STK24: variants seen among roughly 807,000 people sequenced by gnomAD.
The protein encoded by STK24 is serine/threonine-protein kinase 24.
A neutral mutation model predicts 55.6 loss-of-function variants in STK24; 21 were observed. The observed-to-expected ratio is 0.38, with a 90% CI of 0.27 to 0.54. The LOEUF (loss-of-function observed/expected upper bound fraction) is 0.54, where lower values mean the gene tolerates loss of function less well. Ranked by LOEUF, STK24 falls within the 20% of genes least tolerant of loss-of-function variation. STK24 has a pLI of 0.79. For synonymous variants in STK24, 200 were observed against 215.2 expected, an observed-to-expected ratio of 0.93 and a Z score of 0.62; for missense variants, 383 against 538.4, an observed-to-expected ratio of 0.71 and a Z score of 2.86.
intron 3 of STK24, among the ~76,000 whole-genome samples, chr13:98,479,018 A>G (rs1160929378): frequency 2.0e-5 from 3 of 152,192 alleles, no homozygotes; most frequent in East Asian, 1.9e-4. Flanking sequence ...ATAATCCCCA[A>G]TGGCCAGAGC....
intron 5 of STK24, among the ~76,000 whole-genome samples, chr13:98,470,033 G>T (rs982496861): frequency 4.6e-5 from 7 of 152,172 alleles, no homozygotes; most frequent in Non-Finnish European, 8.8e-5. Context: ...AAGTTGCTAT[G>T]GCACATTAAC....
At chr13:98,490,139 G>T (rs780044852) in intron 2 of STK24, among the ~76,000 whole-genome samples, 1 of 152,140 alleles carries the variant, frequency 6.6e-6, no homozygotes, top group Non-Finnish European at 1.5e-5. Flanking sequence ...GGAGATGGGT[G>T]CCTGCATTTC....
intron 2 of STK24, among the ~76,000 whole-genome samples, chr13:98,489,047 C>T (rs1299167395): frequency 6.6e-6 from 1 of 152,172 alleles, no homozygotes; most frequent in African/African-American, 2.4e-5. Context: ...TACCTTTCCG[C>T]GCAGATGACG....
intron 1 of STK24, among the ~76,000 whole-genome samples, chr13:98,551,311 T>G (rs994386455): frequency 6.6e-6 from 1 of 151,586 alleles, no homozygotes; most frequent in African/African-American, 2.4e-5. Flanking sequence ...TCAAGACTTA[T>G]CTACGTTTCC....
chr13:98,528,969 C>T (rs370104158), intron 1 of STK24, among the ~76,000 whole-genome samples: 1 of 152,140 alleles, frequency 6.6e-6, no homozygotes, highest in Admixed American at 6.5e-5. Context: ...CTGGCCTTGG[C>T]AAGCATCTCT....
chr13:98,453,798 G>GT (rs1163170526), intron 10 of STK24: 1 of 145,650 alleles, frequency 6.9e-6, no homozygotes, highest in Non-Finnish European at 1.5e-5. Context: ...ACTAAAAATG[G>GT]TAATTATCTG....
intron 1 of STK24, among the ~76,000 whole-genome samples, chr13:98,520,493 C>T (rs1386069968): frequency 1.3e-5 from 2 of 152,112 alleles, no homozygotes; most frequent in Non-Finnish European, 2.9e-5. Context: ...AGAAGCTGAA[C>T]TACTAGGAAA....
chr13:98,513,754 C>T (rs978473776), intron 2 of STK24, among the ~76,000 whole-genome samples: 7 of 152,186 alleles, frequency 4.6e-5, no homozygotes, highest in Admixed American at 3.9e-4. Flanking sequence ...TCAATGAAAG[C>T]GCGGCTGGGA....
chr13:98,457,556 G>A (rs553563870), intron 9 of STK24, among the ~76,000 whole-genome samples: 26 of 143,400 alleles, frequency 1.8e-4, no homozygotes, highest in South Asian at 1.4e-3. Flanking sequence ...TGCAACCTCC[G>A]CCTCCTGGGT....
At chr13:98,513,772 T>C (rs1895963394) in intron 2 of STK24, among the ~76,000 whole-genome samples, 1 of 152,224 alleles carries the variant, frequency 6.6e-6, no homozygotes, top group Admixed American at 6.5e-5. Flanking sequence ...GGACTCTGCC[T>C]TTGAAGGAGC....
intron 1 of STK24, among the ~76,000 whole-genome samples, chr13:98,552,103 C>G (rs1010726068): frequency 6.6e-6 from 1 of 152,120 alleles, no homozygotes; most frequent in Non-Finnish European, 1.5e-5. Flanking sequence ...ATTAGTTACC[C>G]CTGGGGAATA....
chr13:98,566,215 A>T (rs1897566603), intron 1 of STK24, among the ~76,000 whole-genome samples: 1 of 152,242 alleles, frequency 6.6e-6, no homozygotes, highest in Non-Finnish European at 1.5e-5. Flanking sequence ...AATGAATAAC[A>T]ATGAAACATG....
intron 2 of STK24, among the ~76,000 whole-genome samples, chr13:98,507,785 G>A (rs1206361003): frequency 1.3e-5 from 2 of 152,206 alleles, no homozygotes; most frequent in Non-Finnish European, 1.5e-5. Context: ...ACAGAGTCAG[G>A]AAGGCGGGAG....
At chr13:98,497,973 C>G (rs1430943397) in intron 2 of STK24, among the ~76,000 whole-genome samples, 2 of 152,158 alleles carry the variant, frequency 1.3e-5, no homozygotes, top group African/African-American at 2.4e-5. Context: ...AAGCCCACAC[C>G]CCACTACACC....
At position 98,529,280 on chromosome 13, in the gene STK24, G is replaced by A. The variant is rs564140166; in HGVS notation, c.43-9807C>T. On this transcript the variant is annotated intron_variant, in intron 1 of 10. Transcript: ENST00000539966. ...CCTCTCTCACCCCAACATGCAAACC[G>A]CGTCATGGTTCTTCCGAAGCGTCTC... Among the ~76,000 whole-genome samples, 9 of 152,024 alleles carry A rather than the reference G, an allele frequency of 5.9e-5. No homozygotes were observed. In the South Asian group the frequency reaches 6.2e-4, roughly 11 times the overall value.
At chr13:98,460,010 A>C (rs1047626328) in intron 9 of STK24, among the ~76,000 whole-genome samples, 1 of 152,222 alleles carries the variant, frequency 6.6e-6, no homozygotes, top group Non-Finnish European at 1.5e-5. Context: ...AGGGCATCCA[A>C]CGTCTCCTTA....
At chr13:98,492,076 C>CGTGT (rs56956881) in intron 2 of STK24, among the ~76,000 whole-genome samples, 10,215 of 149,574 alleles carry the variant, frequency 0.068, 393 homozygotes, top group Non-Finnish European at 0.085. Context: ...AGTGCGTGCG[C>CGTGT]GTGTGTGTGT....
intron 3 of STK24, 80 bp from the exon 4 acceptor site, chr13:98,475,438 ATG>A: frequency 4.2e-6 from 4 of 947,280 alleles, no homozygotes; most frequent in Non-Finnish European, 6.4e-6. Flanking sequence ...AACACTATCC[ATG>A]TTAATGGACA....
rs548305291 is a variant in STK24 at position 98,448,333 on chromosome 13, G to C, written c.*4840C>G. On this transcript the variant is annotated 3_prime_UTR_variant, in exon 11 of 11. Coordinates refer to ENST00000539966, the MANE Select transcript of STK24 (RefSeq NM_001032296.4). ...TGTGTATTGATGGCCGGACACACTC[G>C]TTTCCGCAGTGGCTGCTTTCCTGGA... 1 of 1,582,920 alleles carries C rather than the reference G, an allele frequency of 6.3e-7. No homozygotes were observed. The highest frequency in any genetic ancestry group is 8.7e-7 in the Non-Finnish European group (1 of 1,151,516).
Sources: gnomAD v4.1 joint callset for allele counts (sites outside exome capture counted in the v4.1 genomes callset) on GRCh38, gnomAD v4.1.1 for gene constraint, MANE v1.5 for transcripts, NCBI Gene and HGNC (gene_info 2026-07-23, HGNC 2026-07-21) for gene names.